Variants in CNTLN observed in about 807,000 individuals in gnomAD.
CNTLN encodes centlein.
A neutral mutation model predicts 180.0 loss-of-function variants in CNTLN; 212 were observed. That is an observed-to-expected ratio of 1.18 (90% confidence interval 1.05 to 1.32). The LOEUF (loss-of-function observed/expected upper bound fraction) is 1.32, where lower values mean the gene tolerates loss of function less well. CNTLN is among the 40% of genes most tolerant of loss of function. The pLI is 0.00. For synonymous variants in CNTLN, 722 were observed against 563.1 expected (o/e 1.28, Z -3.99); for missense variants, 2,095 against 1,610.9 (o/e 1.30, Z -5.14).
At chr9:17,484,211 A>T in intron 23 of CNTLN, 84 bp from the exon 24 acceptor site, 2 of 1,042,082 alleles carry the variant, frequency 1.9e-6, no homozygotes, top group South Asian at 1.7e-5. Flanking sequence ...ATGATTTGTT[A>T]GTATCTTCAT....
intron 2 of CNTLN, among the ~76,000 whole-genome samples, chr9:17,218,064 T>G (rs1194152452): frequency 6.6e-6 from 1 of 152,144 alleles, no homozygotes; most frequent in African/African-American, 2.4e-5. Flanking sequence ...ATCTTCTGCA[T>G]TTTAGTCTGA....
Position 17,457,710 on chromosome 9 carries a change from C to G in CNTLN, c.3301C>G (p.Leu1101Val), listed in dbSNP as rs1265802290. Residue 1101 changes from leucine (L) to valine (V), a missense_variant, in exon 19 of 26, where the codon CTA becomes GTA. Leu to Val is a conservative substitution (Grantham distance 32). Transcript: ENST00000380647. ...DLEMKQLQYK[L>V]KNATNELTKQ... is the part of the protein sequence containing the mutation. ...GGAAATGAAGCAATTGCAGTATAAACTAAAGGTGATTATAAAATTTATTAA... is the reference window on the plus strand; with the variant it reads ...GGAAATGAAGCAATTGCAGTATAAAGTAAAGGTGATTATAAAATTTATTAA... The G allele has an allele frequency of 1.4e-6, 2 of 1,441,976 alleles. No homozygotes were observed. Among genetic ancestry groups the G allele is most frequent in the Admixed American group, 2.3e-5 (1 of 43,456 alleles). The allele number at this position is 1,441,976 out of a possible 1,614,324, so 89.3% of individuals were successfully genotyped here.
intron 2 of CNTLN, chr9:17,167,941 A>C (rs1820189693): frequency 6.6e-6 from 1 of 152,074 alleles, no homozygotes; most frequent in Admixed American, 6.6e-5. Context: ...GCTCCCTGGC[A>C]AGTGTGTAGG....
chr9:17,218,592 TAG>T (rs1378893371), intron 2 of CNTLN, among the ~76,000 whole-genome samples: 1 of 152,176 alleles, frequency 6.6e-6, no homozygotes, highest in Non-Finnish European at 1.5e-5. Context: ...TAGTGTTTAC[TAG>T]AAATTGGGAA....
intron 2 of CNTLN, among the ~76,000 whole-genome samples, chr9:17,218,918 C>G (rs139477991): frequency 2.9e-3 from 442 of 152,098 alleles, no homozygotes; most frequent in Non-Finnish European, 5.4e-3. Context: ...TGGTCTATAA[C>G]ATAATAAAAT....
In CNTLN at chr9:17,236,483, G is replaced by C. The variant is rs764779254; in HGVS notation, c.744G>C (p.Lys248Asn). Residue 248 changes from lysine to asparagine, a missense_variant, in exon 5 of 26, where the codon AAG becomes AAC. By Grantham distance (94) the Lys-to-Asn change is moderately conservative (BLOSUM62 0). Transcript: ENST00000380647. The stretch of plus-strand genomic sequence containing the variant: ...TAAAAAATCTGGAGGAGGAAAACAA[G>C]AAATTAAGTACCCGCTGCACTGACC... The part of the protein sequence containing the change: ...LVIKNLEEEN[K>N]KLSTRCTDLL... The C allele has an allele frequency of 6.2e-7, 1 of 1,613,676 alleles. No individual in the cohort carries two copies. Among genetic ancestry groups the C allele is most frequent in the African/African-American group, 1.3e-5 (1 of 74,992 alleles).
intron 18 of CNTLN, among the ~76,000 whole-genome samples, chr9:17,417,329 C>T (rs112323786): frequency 0.044 from 6,690 of 152,032 alleles, 470 homozygotes; most frequent in African/African-American, 0.15. Context: ...TTTTCTCCTA[C>T]GCTTCCTTTC....
At chr9:17,407,499 C>T (rs995238267) in intron 15 of CNTLN, among the ~76,000 whole-genome samples, 2 of 152,068 alleles carry the variant, frequency 1.3e-5, no homozygotes, top group African/African-American at 4.8e-5. Flanking sequence ...GAATCAAGAT[C>T]CCCAAAGATC....
intron 3 of CNTLN, among the ~76,000 whole-genome samples, chr9:17,235,389 A>T (rs77737273): frequency 0.052 from 7,886 of 152,156 alleles, 261 homozygotes; most frequent in East Asian, 0.18. Flanking sequence ...CCTGTTACAC[A>T]CCTAAATTTT....
At position 17,330,822 on chromosome 9, in the gene CNTLN, G is replaced by C; in HGVS notation, c.1518+14G>C. 1 of 1,586,784 alleles carries C rather than the reference G, an allele frequency of 6.3e-7. No homozygotes were observed. Among genetic ancestry groups the C allele is most frequent in the Middle Eastern group, 1.7e-4 (1 of 5,990 alleles). On this transcript the variant is annotated intron_variant, in intron 9 of 25. Transcript: ENST00000380647. The stretch of plus-strand genomic sequence containing the variant: ...GGAAAACATAAGGTAGGGACATTTT[G>C]TCATTTTGTGAATTTGCCAGGATGA...
At chr9:17,523,726 C>T in the CNTLN span, among the ~76,000 whole-genome samples, 1 of 152,144 alleles carries the variant, frequency 6.6e-6, no homozygotes, top group African/African-American at 2.4e-5. Context: ...CTTAATATCT[C>T]TGAGACTTCT....
At chr9:17,192,841 G>T (rs1821874890) in intron 2 of CNTLN, among the ~76,000 whole-genome samples, 1 of 152,136 alleles carries the variant, frequency 6.6e-6, no homozygotes, top group Non-Finnish European at 1.5e-5. Context: ...AGGAAAAGAA[G>T]CTGTAGTAGT....
chr9:17,227,854 T>A (rs1452437806), intron 3 of CNTLN, among the ~76,000 whole-genome samples: 3 of 152,070 alleles, frequency 2.0e-5, no homozygotes, highest in Non-Finnish European at 4.4e-5. Context: ...AAGAAACATT[T>A]GTATTTACCA....
At chr9:17,412,491 G>C (rs1827926317) in intron 16 of CNTLN, among the ~76,000 whole-genome samples, 1 of 152,176 alleles carries the variant, frequency 6.6e-6, no homozygotes, top group Admixed American at 6.5e-5. Flanking sequence ...ATGTTGGTGT[G>C]AAATTGATAC....
At chr9:17,150,897 A>T (rs1469321787) in intron 2 of CNTLN, among the ~76,000 whole-genome samples, 2 of 152,012 alleles carry the variant, frequency 1.3e-5, no homozygotes, top group African/African-American at 4.8e-5. Context: ...TAGGTATTTT[A>T]TTCTCTTAGT....
intron 25 of CNTLN, among the ~76,000 whole-genome samples, chr9:17,489,804 A>G (rs548638204): frequency 3.5e-4 from 53 of 152,056 alleles, no homozygotes; most frequent in Non-Finnish European, 6.3e-4. Flanking sequence ...GCTATTGGTA[A>G]TTTTTTATAT....
At chr9:17,236,315 G>A in intron 4 of CNTLN, 94 bp from the exon 5 acceptor site, 2 of 1,069,922 alleles carry the variant, frequency 1.9e-6, no homozygotes, top group South Asian at 2.1e-5. Flanking sequence ...GGGTAAAACT[G>A]CACAGTTTGT....
At chr9:17,454,245 C>G (rs1005661129) in intron 18 of CNTLN, among the ~76,000 whole-genome samples, 1 of 152,014 alleles carries the variant, frequency 6.6e-6, no homozygotes, top group African/African-American at 2.4e-5. Flanking sequence ...TAGATAGTGT[C>G]TAGTTTAAAA....
chr9:17,415,739 ATGT>A, intron 16 of CNTLN, 46 bp from the exon 17 acceptor site: 3 of 1,088,652 alleles, frequency 2.8e-6, no homozygotes, highest in Non-Finnish European at 4.2e-6. Context: ...AGTTCACTTG[ATGT>A]TGTTATTGAA....
Sources: gnomAD v4.1 joint callset for allele counts (sites outside exome capture counted in the v4.1 genomes callset) on GRCh38, gnomAD v4.1.1 for gene constraint, MANE v1.5 for transcripts, NCBI Gene and HGNC (gene_info 2026-07-23, HGNC 2026-07-21) for gene names.